The following NFIB variants were observed in gnomAD, a reference collection of about 807,000 sequenced individuals.
NFIB encodes the protein nuclear factor 1 B-type.
A neutral mutation model predicts 61.5 loss-of-function variants in NFIB; 11 were observed. That is an observed-to-expected ratio of 0.18 (90% CI 0.11 to 0.30). NFIB has a LOEUF of 0.30. Among genes scored for constraint, NFIB ranks in the 10% least tolerant of loss-of-function variants. The pLI is 1.00. For missense variants in NFIB, 471 were observed against 608.9 expected, an observed-to-expected ratio of 0.77 and a Z score of 2.38; for synonymous variants, 260 against 216.5, an observed-to-expected ratio of 1.20 and a Z score of -1.76.
chr9:14,304,577 A>G (rs766606002), intron 2 of NFIB, among the ~76,000 whole-genome samples: 43 of 152,196 alleles, frequency 2.8e-4, no homozygotes, highest in Non-Finnish European at 5.1e-4. Context: ...CCAGTCATTT[A>G]GAAGTGGGGA....
At chr9:14,433,886 A>G in the NFIB span, among the ~76,000 whole-genome samples, 2 of 152,108 alleles carry the variant, frequency 1.3e-5, no homozygotes, top group Non-Finnish European at 2.9e-5. Flanking sequence ...TGTTGTTTAG[A>G]TGTAATACAG....
intron 1 of NFIB, chr9:14,398,377 G>C: frequency 1.7e-6 from 1 of 573,196 alleles, no homozygotes; most frequent in Non-Finnish European, 3.0e-6. Flanking sequence ...CTCAGTAGTC[G>C]CTCTACATTG....
At chr9:14,286,084 T>A (rs1465594832) in intron 2 of NFIB, among the ~76,000 whole-genome samples, 2 of 152,192 alleles carry the variant, frequency 1.3e-5, no homozygotes, top group African/African-American at 4.8e-5. Context: ...CAGACTGACA[T>A]GTTCACTGCA....
chr9:14,323,420 A>G (rs2060707844), intron 1 of NFIB, among the ~76,000 whole-genome samples: 1 of 152,126 alleles, frequency 6.6e-6, no homozygotes, highest in Non-Finnish European at 1.5e-5. Context: ...CATGTTAAGT[A>G]TCTGTAGTTA....
the NFIB span, among the ~76,000 whole-genome samples, chr9:14,412,981 C>G: frequency 4.6e-5 from 7 of 152,252 alleles, no homozygotes; most frequent in Admixed American, 2.0e-4. Flanking sequence ...ACAGTACAAA[C>G]CACCCCTCCT....
intron 2 of NFIB, among the ~76,000 whole-genome samples, chr9:14,283,489 A>T (rs117405128): frequency 1.3e-5 from 2 of 152,220 alleles, no homozygotes; most frequent in African/African-American, 4.8e-5. Context: ...CTAACTGGCA[A>T]GTCTAGCATC....
chr9:14,206,291 C>G (rs1264361969), intron 2 of NFIB, among the ~76,000 whole-genome samples: 4 of 151,876 alleles, frequency 2.6e-5, no homozygotes, highest in African/African-American at 9.7e-5. Flanking sequence ...ATCCTCCCAC[C>G]TCGGCCTCTT....
the NFIB span, among the ~76,000 whole-genome samples, chr9:14,515,267 T>A: frequency 9.0e-3 from 1,364 of 152,052 alleles, 27 homozygotes; most frequent in African/African-American, 0.031. Context: ...AGGAAGTGGG[T>A]TGCAAAGTGG....
At chr9:14,114,737 T>C (rs996483716) in intron 9 of NFIB, among the ~76,000 whole-genome samples, 6 of 152,192 alleles carry the variant, frequency 3.9e-5, no homozygotes, top group African/African-American at 1.2e-4. Flanking sequence ...CTCTCCTGAA[T>C]CTCTTCTATT....
At chr9:14,364,910 A>G (rs1014244574) in intron 1 of NFIB, among the ~76,000 whole-genome samples, 4 of 152,188 alleles carry the variant, frequency 2.6e-5, no homozygotes, top group African/African-American at 9.6e-5. Flanking sequence ...CAGCAGGGTG[A>G]TTTAAGAGTT....
intron 1 of NFIB, among the ~76,000 whole-genome samples, chr9:14,340,809 G>C (rs1316370050): frequency 1.3e-5 from 2 of 152,048 alleles, no homozygotes; most frequent in African/African-American, 4.8e-5. Context: ...GCCAACTTAA[G>C]AGTAGGGCTA....
chr9:14,493,117 GCT>G, the NFIB span, among the ~76,000 whole-genome samples: 4 of 152,266 alleles, frequency 2.6e-5, no homozygotes, highest in South Asian at 8.3e-4. Flanking sequence ...CTAAGGCAGT[GCT>G]CTCTCTCTTT....
At chr9:14,515,467 G>A in the NFIB span, among the ~76,000 whole-genome samples, 2 of 152,102 alleles carry the variant, frequency 1.3e-5, no homozygotes, top group South Asian at 2.1e-4. Flanking sequence ...CGGTAGGCAA[G>A]GTGGATTTCA....
chr9:14,146,131 T>G (rs908290994), intron 6 of NFIB, among the ~76,000 whole-genome samples: 1 of 152,134 alleles, frequency 6.6e-6, no homozygotes, highest in Non-Finnish European at 1.5e-5. Context: ...TTCTTAAAGT[T>G]ATATTTCTCC....
upstream of NFIB, among the ~76,000 whole-genome samples, chr9:14,315,493 T>A (rs1427906451): frequency 1.4e-5 from 2 of 144,180 alleles, no homozygotes; most frequent in African/African-American, 5.0e-5. Flanking sequence ...AGCGTCTCCC[T>A]ACCCGCCCGG....
the NFIB span, among the ~76,000 whole-genome samples, chr9:14,500,017 G>A: frequency 2.3e-4 from 35 of 152,124 alleles, no homozygotes; most frequent in Admixed American, 5.9e-4. Flanking sequence ...GTCGGAGAGC[G>A]GGCACTCAAT....
intron 2 of NFIB, among the ~76,000 whole-genome samples, chr9:14,184,769 C>A (rs957624531): frequency 5.3e-5 from 8 of 152,010 alleles, no homozygotes; most frequent in African/African-American, 1.9e-4. Context: ...CCTGTAAATC[C>A]CAGCACTTTT....
At chr9:14,436,962 G>T in the NFIB span, among the ~76,000 whole-genome samples, 1 of 152,174 alleles carries the variant, frequency 6.6e-6, no homozygotes, top group Non-Finnish European at 1.5e-5. Context: ...AAATGAGGTT[G>T]AAGTTGAGAA....
chr9:14,394,622 T>C (rs985831436), intron 1 of NFIB, among the ~76,000 whole-genome samples: 3 of 152,072 alleles, frequency 2.0e-5, no homozygotes, highest in African/African-American at 4.8e-5. Flanking sequence ...CCTTAACAAG[T>C]GGGGATTATT....
Sources: allele counts gnomAD v4.1 joint callset (sites outside exome capture counted in the v4.1 genomes callset), GRCh38; gene constraint gnomAD v4.1.1; transcripts MANE v1.5; gene names NCBI Gene and HGNC (gene_info 2026-07-23, HGNC 2026-07-21).